The following PFKFB3 variants were observed in gnomAD, a reference collection of about 807,000 sequenced individuals.
PFKFB3 encodes 6-phosphofructo-2-kinase/fructose-2,6-bisphosphatase 3.
Under a neutral mutation model 68.0 loss-of-function variants are expected in PFKFB3, and 33 were observed. The ratio of observed to expected loss-of-function variants is 0.49; its 90% CI spans 0.37 to 0.65. PFKFB3 has a LOEUF of 0.65. Ranked by LOEUF, PFKFB3 falls within the 30% of genes least tolerant of loss-of-function variation. The pLI, the probability that PFKFB3 is intolerant of heterozygous loss-of-function variation, is 0.00. For missense variants in PFKFB3, 586 were observed against 712.2 expected (o/e 0.82, Z 2.02); for synonymous variants, 315 against 288.2 (o/e 1.09, Z -0.94).
the PFKFB3 span, among the ~76,000 whole-genome samples, chr10:6,287,724 T>C: frequency 1.3e-5 from 2 of 152,196 alleles, no homozygotes; most frequent in African/African-American, 4.8e-5. Context: ...CGTTATATGA[T>C]TGCTGTCATT....
rs190806345 is a variant in PFKFB3, at chr10:6,246,263, C to T, written c.1516-7915C>T. 1.2e-4 allele frequency among the ~76,000 whole-genome samples: 19 copies of T among 152,146 alleles called. No individual in the cohort carries two copies. The East Asian group carries it at 2.7e-3, about 22-fold the overall frequency. ...AAACACAGAACACAATCCTTTAATC[C>T]GGTAACAATCACTTGATTTATTTAT... On this transcript the variant is annotated intron_variant, in intron 14 of 14. Coordinates refer to the PFKFB3 transcript ENST00000640683.
chr10:6,211,641 T>C (rs1197434207), intron 1 of PFKFB3, among the ~76,000 whole-genome samples: 2 of 152,194 alleles, frequency 1.3e-5, no homozygotes. Flanking sequence ...GGGTGCTTGG[T>C]GCTTTGTGCT....
chr10:6,241,986 C>T (rs1472812851), intron 14 of PFKFB3, among the ~76,000 whole-genome samples: 1 of 151,946 alleles, frequency 6.6e-6, no homozygotes, highest in Non-Finnish European at 1.5e-5. Flanking sequence ...GCTGGGATTA[C>T]AGGTGTGAAC....
intron 13 of PFKFB3, 33 bp from the exon 14 acceptor site, chr10:6,226,159 C>G (rs186649986): frequency 1.2e-5 from 19 of 1,521,420 alleles, no homozygotes; most frequent in Non-Finnish European, 1.1e-5. Context: ...TTGTAACTGT[C>G]GCCTTTCTCT....
intron 1 of PFKFB3, among the ~76,000 whole-genome samples, chr10:6,163,021 C>A (rs1842011612): frequency 1.3e-5 from 2 of 152,212 alleles, no homozygotes. Context: ...CAGAGTTCTT[C>A]CTCTCCTTCC....
At chr10:6,153,990 A>G (rs11257008) in intron 1 of PFKFB3, among the ~76,000 whole-genome samples, 488 of 152,302 alleles carry the variant, frequency 3.2e-3, no homozygotes, top group African/African-American at 0.011. Flanking sequence ...GGCAGCAGAC[A>G]GTACCATTAG....
At chr10:6,185,140 G>A (rs767714361) in intron 1 of PFKFB3, among the ~76,000 whole-genome samples, 4 of 152,166 alleles carry the variant, frequency 2.6e-5, no homozygotes, top group African/African-American at 7.2e-5. Context: ...ACCACGGCAC[G>A]CCCCACGAGG....
intron 1 of PFKFB3, among the ~76,000 whole-genome samples, chr10:6,192,664 CGTGTGTGTGT>C (rs34129264): frequency 0.036 from 4,576 of 128,876 alleles, 131 homozygotes; most frequent in African/African-American, 0.076. Context: ...TCCCCTCACC[CGTGTGTGTGT>C]GTGTGTGTGT....
the PFKFB3 span, among the ~76,000 whole-genome samples, chr10:6,283,685 G>T: frequency 1.6e-4 from 25 of 152,324 alleles, no homozygotes; most frequent in East Asian, 3.9e-3. Flanking sequence ...ACAAAGTTAC[G>T]AGTTGTTTTT....
At chr10:6,254,495 T>C (rs1046624485) in exon 15 of PFKFB3, 1 of 397,522 alleles carries the variant, frequency 2.5e-6, no homozygotes, top group Non-Finnish European at 4.4e-6. Context: ...AGGTCTCCAA[T>C]GGATGATGGG....
At chr10:6,205,660 T>A (rs1320577691) in intron 1 of PFKFB3, among the ~76,000 whole-genome samples, 1 of 152,160 alleles carries the variant, frequency 6.6e-6, no homozygotes, top group Non-Finnish European at 1.5e-5. Context: ...CCCAAAGTGC[T>A]GGGATTATAG....
chr10:6,156,998 A>G (rs923259915), intron 1 of PFKFB3, among the ~76,000 whole-genome samples: 8 of 150,936 alleles, frequency 5.3e-5, no homozygotes, highest in Non-Finnish European at 1.2e-4. Flanking sequence ...AGGCTGAGGC[A>G]GGAGAATCGC....
intron 1 of PFKFB3, among the ~76,000 whole-genome samples, chr10:6,179,799 G>C (rs776077289): frequency 1.3e-5 from 2 of 152,156 alleles, no homozygotes; most frequent in Non-Finnish European, 2.9e-5. Flanking sequence ...CAGAAACCAC[G>C]AGAGCCCACC....
intron 5 of PFKFB3, 21 bp from the exon 6 acceptor site, chr10:6,217,114 T>A (rs774598550): frequency 1.2e-6 from 2 of 1,613,014 alleles, no homozygotes; most frequent in Non-Finnish European, 8.5e-7. Context: ...TTTTCTAACA[T>A]CCCCACCTCA....
At chr10:6,202,543 A>G (rs1843406346), upstream of PFKFB3, 1 of 152,424 alleles carries the variant, frequency 6.6e-6, no homozygotes, top group Non-Finnish European at 1.5e-5. Context: ...GCAGCTTCCC[A>G]AGGGATTCGG....
intron 14 of PFKFB3, among the ~76,000 whole-genome samples, chr10:6,251,835 G>GC (rs1846388760): frequency 1.3e-5 from 2 of 152,258 alleles, no homozygotes; most frequent in South Asian, 4.2e-4. Context: ...AGGTGTGGTG[G>GC]CGGGTGCCTA....
chr10:6,275,625 GT>G, the PFKFB3 span, among the ~76,000 whole-genome samples: 1 of 152,070 alleles, frequency 6.6e-6, no homozygotes, highest in East Asian at 1.9e-4. This position sits in a 1 kb window ranked among gnomAD's most constrained non-coding sequence, Gnocchi z 4.9. Flanking sequence ...GATCTTGTGG[GT>G]TTTTTTCTTT....
intron 1 of PFKFB3, among the ~76,000 whole-genome samples, chr10:6,153,367 C>T (rs1007707690): frequency 2.0e-5 from 3 of 152,102 alleles, no homozygotes; most frequent in South Asian, 2.1e-4. Context: ...GCAGAGGCTG[C>T]GGCAGTGAAC....
At chr10:6,283,006 T>A in the PFKFB3 span, among the ~76,000 whole-genome samples, 5 of 152,304 alleles carry the variant, frequency 3.3e-5, no homozygotes, top group South Asian at 1.0e-3. Flanking sequence ...GTTCTTCTTG[T>A]CCAGGATGAA....
Sources: gnomAD v4.1 joint callset for allele counts (sites outside exome capture counted in the v4.1 genomes callset) on GRCh38, gnomAD v4.1.1 for gene constraint, Gnocchi (gnomAD v3.1) non-coding constraint, MANE v1.5 for transcripts, NCBI Gene and HGNC (gene_info 2026-07-23, HGNC 2026-07-21) for gene names.